MYO7B: variants seen among roughly 807,000 people sequenced by gnomAD.
MYO7B encodes the protein myosin VIIB.
In MYO7B, 212 loss-of-function variants were observed where a neutral mutation model predicts 259.7. The ratio of observed to expected loss-of-function variants is 0.82; its 90% CI spans 0.73 to 0.91. MYO7B has a LOEUF of 0.91. Ranked by LOEUF, MYO7B falls within the 40% of genes least tolerant of loss-of-function variation. The probability of loss-of-function intolerance (pLI) is 0.00; values close to 1 mark genes in which losing one functional copy is unlikely to be tolerated. For synonymous variants in MYO7B, 1,197 were observed against 1,166.4 expected (o/e 1.03, Z -0.54); for missense variants, 2,732 against 2,813.5 (o/e 0.97, Z 0.66).
intron 43 of MYO7B, 181 bp from the exon 44 acceptor site, chr2:127,635,541 A>T: frequency 1.4e-6 from 1 of 707,174 alleles, no homozygotes; most frequent in East Asian, 2.7e-5. Context: ...CTCCACGCAG[A>T]TGTCAGGGGG....
chr2:127,540,079 G>A (rs1345859117), intron 1 of MYO7B, among the ~76,000 whole-genome samples: 1 of 152,122 alleles, frequency 6.6e-6, no homozygotes, highest in African/African-American at 2.4e-5. Flanking sequence ...CCACTCATGA[G>A]TTGATGGACA....
At position 127,627,231 on chromosome 2, in the gene MYO7B, G is replaced by T. The variant is rs201529844; in HGVS notation, c.4381G>T (p.Gly1461Trp). 8.0e-5 allele frequency: 129 copies of T among 1,611,268 alleles called. 1 individual carries two copies. In the African/African-American group the frequency reaches 1.3e-3, roughly 17 times the overall value. Reference protein sequence around the residue: ...TQLILAVNWKGLCFLDQQEKM... With the variant: ...TQLILAVNWKWLCFLDQQEKM... Reference sequence around the variant, plus strand: ...GCTGATCTTGGCTGTTAACTGGAAGGGGCTTTGCTTCCTGGACCAGCAGGA... The same window carrying T: ...GCTGATCTTGGCTGTTAACTGGAAGTGGCTTTGCTTCCTGGACCAGCAGGA... Residue 1461 changes from glycine to tryptophan, a missense_variant, in exon 33 of 48, where the codon GGG becomes TGG. Gly to Trp is a radical substitution (Grantham distance 184, BLOSUM62 -2). This residue lies in a region of MYO7B where 1,906 missense variants were observed against 2,026.4 expected (regional missense o/e 0.94). Transcript: ENST00000409816. The surrounding 1 kb of genome is among the most constrained non-coding windows in gnomAD (Gnocchi z 5.6).
chr2:127,625,322 C>T (rs1369533791), intron 30 of MYO7B, 46 bp from the exon 31 acceptor site: 3 of 1,449,884 alleles, frequency 2.1e-6, no homozygotes, highest in Non-Finnish European at 1.8e-6. Context: ...AAGGGGGGAG[C>T]TCTCACTTGT....
In MYO7B at chr2:127,566,703, C is replaced by T. The variant is rs1385451684; in HGVS notation, c.346C>T (p.Leu116=). 1 of 1,610,570 alleles carries T rather than the reference C, an allele frequency of 6.2e-7. No homozygotes were observed. The highest frequency in any genetic ancestry group is 1.7e-5 in the Admixed American group (1 of 59,608). ...GTTCCAGGTGCTGCCGCTCTACACC[C>T]TGGAGCAGGTACAGCTCTACTACAG... ...NPFQVLPLYT[L]EQVQLYYSRH... is the part of the protein sequence containing the mutation. Residue 116 remains leucine, a synonymous_variant, in exon 5 of 48, where the codon CTG becomes TTG. Coordinates refer to ENST00000409816, the MANE Select transcript of MYO7B (RefSeq NM_001393586.1).
At chr2:127,569,170 T>TG (rs1318321241) in intron 5 of MYO7B, among the ~76,000 whole-genome samples, 1 of 140,554 alleles carries the variant, frequency 7.1e-6, no homozygotes, top group Non-Finnish European at 1.5e-5. Flanking sequence ...ATCATGCCAC[T>TG]GTACTCCAGC....
chr2:127,627,107 C>CA lies in MYO7B; in HGVS notation c.4333+16dup. ...CACACTCTCAGGTAATGGCATCTGA[C>CA]AGGGGGCAGGGAGCAGGTATGGGCT... On this transcript the variant is annotated intron_variant, in intron 32 of 47. Coordinates refer to ENST00000409816, the MANE Select transcript of MYO7B (RefSeq NM_001393586.1). This position sits in a 1 kb window ranked among gnomAD's most constrained non-coding sequence, Gnocchi z 5.6. 1 of 1,607,526 alleles carries CA rather than the reference C, an allele frequency of 6.2e-7. No homozygotes were observed. The highest frequency in any genetic ancestry group is 1.3e-5 in the African/African-American group (1 of 75,000).
chr2:127,577,562 T>C lies in MYO7B; in HGVS notation c.850-571T>C, dbSNP rs1204827671. ...ACCCACCCCAGCCTCCCCGCAGCCC[T>C]GTCCCTGCCTCCCCACCTCGTGGCC... On this transcript the variant is annotated intron_variant, in intron 8 of 47. Coordinates refer to ENST00000409816, the MANE Select transcript of MYO7B (RefSeq NM_001393586.1). The surrounding 1 kb of genome is among the most constrained non-coding windows in gnomAD (Gnocchi z 5.2). 6.6e-6 allele frequency among the ~76,000 whole-genome samples: 1 copy of C among 151,656 alleles called. No individual in the cohort carries two copies. The highest frequency in any genetic ancestry group is 2.4e-5 in the African/African-American group (1 of 41,270).
At chr2:127,598,112 CT>C (rs1679839357) in intron 19 of MYO7B, among the ~76,000 whole-genome samples, 1 of 152,184 alleles carries the variant, frequency 6.6e-6, no homozygotes, top group Non-Finnish European at 1.5e-5. Context: ...TGCCGTTTCT[CT>C]GGGTTGTATG....
rs748214264 is a variant in MYO7B, at chr2:127,574,019, G to A, written c.692G>A (p.Arg231His). ...CCCAGCGGGGTGATCGAGGGCGCGC[G>A]CATCGAGCAATTTCTCCTGGAGAAG... is the stretch of plus-strand genomic sequence containing the variant. The part of the protein sequence containing the change: ...FNPSGVIEGA[R>H]IEQFLLEKSR... Residue 231 changes from arginine to histidine, a missense_variant, in exon 7 of 48, where the codon CGC becomes CAC. Coordinates refer to ENST00000409816, the MANE Select transcript of MYO7B (RefSeq NM_001393586.1). 23 of 1,613,902 alleles carry A rather than the reference G, an allele frequency of 1.4e-5. No homozygotes were observed. The highest frequency in any genetic ancestry group is 4.5e-5 in the East Asian group (2 of 44,880).
chr2:127,576,670 A>G lies in MYO7B; in HGVS notation c.811A>G (p.Ser271Gly), dbSNP rs1304747903. The change falls in exon 8 of 48, where the codon AGC (serine) becomes GGC (glycine). Residue 271 changes from serine to glycine, a missense_variant. Coordinates refer to ENST00000409816, the MANE Select transcript of MYO7B (RefSeq NM_001393586.1). This position sits in a 1 kb window ranked among gnomAD's most constrained non-coding sequence, Gnocchi z 4.9. ...GVSAEDKQLL[S>G]LGTPSEYHYL... is the part of the protein sequence containing the mutation. ...GAGTGCTGAGGACAAGCAGCTGCTG[A>G]GCCTGGGCACGCCCTCCGAGTACCA... 1 of 1,611,830 alleles carries G rather than the reference A, an allele frequency of 6.2e-7. No individual in the cohort carries two copies. The highest frequency in any genetic ancestry group is 1.1e-5 in the South Asian group (1 of 90,924).
chr2:127,604,378 T>C (rs189432696), intron 19 of MYO7B, among the ~76,000 whole-genome samples: 2 of 152,328 alleles, frequency 1.3e-5, no homozygotes, highest in East Asian at 3.9e-4. Flanking sequence ...AGGATCTTGC[T>C]CTGGGTTGGG....
rs1681733078 is a variant in MYO7B at position 127,635,168 on chromosome 2, G to A, written c.5762G>A (p.Trp1921Ter). 6.2e-7 allele frequency: 1 copy of A among 1,613,634 alleles called. No individual in the cohort carries two copies. Among genetic ancestry groups the A allele is most frequent in the Non-Finnish European group, 8.5e-7 (1 of 1,179,772 alleles). ...PYQVYFMRKL[W>*]LNISPGKDVN... ...CAGGTGTACTTCATGCGGAAATTGT[G>A]GCTCAACATATCTCCAGGGAAGGAT... is the stretch of plus-strand genomic sequence containing the variant. Residue 1921 changes from tryptophan to a stop codon, truncating the protein, a stop_gained, in exon 43 of 48, where the codon TGG (tryptophan) becomes TAG (stop). Transcript: ENST00000409816. LOFTEE classifies it high-confidence loss of function.
intron 1 of MYO7B, among the ~76,000 whole-genome samples, chr2:127,552,806 C>A (rs2116026): frequency 0.12 from 17,796 of 152,196 alleles, 1,364 homozygotes; most frequent in South Asian, 0.3. Flanking sequence ...CTGCCACCCC[C>A]TGAAAGAGCT....
At chr2:127,542,329 G>A (rs1465345720) in intron 1 of MYO7B, among the ~76,000 whole-genome samples, 1 of 152,146 alleles carries the variant, frequency 6.6e-6, no homozygotes, top group Non-Finnish European at 1.5e-5. Flanking sequence ...TTTTTCTCTG[G>A]TGTGCACTGA....
rs1331696794 is a variant in MYO7B at position 127,539,420 on chromosome 2, G to A, written c.-24+3589G>A. 3.3e-5 allele frequency among the ~76,000 whole-genome samples: 5 copies of A among 152,290 alleles called. No individual in the cohort carries two copies. The East Asian group carries it at 9.7e-4, about 29-fold the overall frequency. On this transcript the variant is annotated intron_variant, in intron 1 of 47. Coordinates refer to ENST00000409816, the MANE Select transcript of MYO7B (RefSeq NM_001393586.1). The surrounding 1 kb of genome is among the most constrained non-coding windows in gnomAD (Gnocchi z 4.0). Reference sequence around the variant, plus strand: ...AAGATTAATAATGTTCTCAAGTTAGGCAAAAGCCAGTTTCCAAGGGGAAGA... The same window carrying A: ...AAGATTAATAATGTTCTCAAGTTAGACAAAAGCCAGTTTCCAAGGGGAAGA...
chr2:127,551,894 G>C (rs12464981), intron 1 of MYO7B, among the ~76,000 whole-genome samples: 75,883 of 152,068 alleles, frequency 0.5, 20,200 homozygotes, highest in Admixed American at 0.63. Context: ...GCCTAAAGAA[G>C]GATCTCTGGA....
intron 27 of MYO7B, 76 bp from the exon 28 acceptor site, chr2:127,621,906 A>G (rs962051930): frequency 6.5e-7 from 1 of 1,543,800 alleles, no homozygotes; most frequent in African/African-American, 1.4e-5. Flanking sequence ...ATAATTCTTA[A>G]GTCCACCTGG....
chr2:127,627,678 G>A lies in MYO7B; in HGVS notation c.4460+368G>A, dbSNP rs370662359. 14 of 463,464 alleles carry A rather than the reference G, an allele frequency of 3.0e-5. 2 individuals are homozygous for A. Among genetic ancestry groups the A allele is most frequent in the Admixed American group, 1.2e-4 (5 of 42,744 alleles). 28.7% of individuals were successfully genotyped at this position (463,464 alleles called of 1,614,324 possible). On this transcript the variant is annotated intron_variant, in intron 33 of 47. Coordinates refer to ENST00000409816, the MANE Select transcript of MYO7B (RefSeq NM_001393586.1). The surrounding 1 kb of genome is among the most constrained non-coding windows in gnomAD (Gnocchi z 5.6). ...GAGGGTACAGGTTGTCTGGGAAGGC[G>A]ACAAGGGACAGTGCCTGGTGTGTCC... is the stretch of plus-strand genomic sequence containing the variant.
intron 40 of MYO7B, among the ~76,000 whole-genome samples, 165 bp downstream of exon 40, chr2:127,633,528 C>A (rs1681633715): frequency 6.6e-6 from 1 of 152,150 alleles, no homozygotes; most frequent in Non-Finnish European, 1.5e-5. Flanking sequence ...GCAGGCCCCA[C>A]CTGCCCTTGG....
Sources: allele counts gnomAD v4.1 joint callset (sites outside exome capture counted in the v4.1 genomes callset), GRCh38; gene constraint gnomAD v4.1.1; regional missense constraint gnomAD v4.1.1; non-coding constraint Gnocchi (gnomAD v3.1); transcripts MANE v1.5; gene names NCBI Gene and HGNC (gene_info 2026-07-23, HGNC 2026-07-21).